Variants in MSR1 observed in about 807,000 individuals in gnomAD.
The protein encoded by MSR1 is macrophage scavenger receptor types I and II.
A neutral mutation model predicts 47.2 loss-of-function variants in MSR1; 53 were observed. That is an observed-to-expected ratio of 1.12 (90% confidence interval 0.90 to 1.41). MSR1 has a LOEUF of 1.41. Ranked by LOEUF, MSR1 falls within the 40% of genes most tolerant of loss-of-function variation. The pLI is 0.00. For synonymous variants in MSR1, 239 were observed against 185.6 expected, an observed-to-expected ratio of 1.29 and a Z score of -2.34; for missense variants, 786 against 546.9, an observed-to-expected ratio of 1.44 and a Z score of -4.36.
chr8:16,149,610 T>C (rs921187140), intron 7 of MSR1, among the ~76,000 whole-genome samples: 1 of 152,158 alleles, frequency 6.6e-6, no homozygotes, highest in Admixed American at 6.5e-5. Flanking sequence ...GTTCAAAGTT[T>C]GCAATTTAAG....
intron 9 of MSR1, among the ~76,000 whole-genome samples, chr8:16,120,104 G>A (rs1799962792): frequency 6.6e-6 from 1 of 151,700 alleles, no homozygotes; most frequent in Non-Finnish European, 1.5e-5. Context: ...CTGGCCAAGC[G>A]CGGTGGCTCT....
intron 8 of MSR1, among the ~76,000 whole-genome samples, chr8:16,136,662 G>A (rs530647863): frequency 6.6e-6 from 1 of 152,056 alleles, no homozygotes; most frequent in Non-Finnish European, 1.5e-5. Flanking sequence ...GAGTGCAGTG[G>A]CATGATCTCA....
chr8:16,184,413 A>C (rs1313013748), intron 1 of MSR1, among the ~76,000 whole-genome samples: 1 of 152,148 alleles, frequency 6.6e-6, no homozygotes, highest in Non-Finnish European at 1.5e-5. Context: ...AGGAGAAAAA[A>C]ATGGTATTTT....
chr8:16,183,898 T>G (rs566305249), intron 1 of MSR1, among the ~76,000 whole-genome samples: 5 of 120,974 alleles, frequency 4.1e-5, no homozygotes, highest in South Asian at 6.6e-4. Context: ...AATATATAAT[T>G]ATATATATAT....
At chr8:16,152,253 G>A (rs190706326) in intron 6 of MSR1, among the ~76,000 whole-genome samples, 1 of 152,152 alleles carries the variant, frequency 6.6e-6, no homozygotes, top group Admixed American at 6.6e-5. Context: ...TCAATACTCA[G>A]GTGTAGAGCG....
At chr8:16,175,709 CAGAT>C (rs1306090344) in intron 2 of MSR1, among the ~76,000 whole-genome samples, 6 of 152,094 alleles carry the variant, frequency 3.9e-5, no homozygotes, top group African/African-American at 7.2e-5. Flanking sequence ...ATTTTAAAAT[CAGAT>C]AGGGCAAATA....
chr8:16,181,380 G>A lies in MSR1; in HGVS notation c.-4-3388C>T, dbSNP rs115929198. ...TGTTGTTTCTTGAATTTTAATGATC[G>A]CCATTCTTGGAACCAATCCAAATGC... On this transcript the variant is annotated intron_variant, in intron 1 of 9. Coordinates refer to ENST00000262101, the MANE Select transcript of MSR1 (RefSeq NM_138715.3). 1.2e-3 allele frequency among the ~76,000 whole-genome samples: 187 copies of A among 151,724 alleles called. 2 individuals carry two copies. The highest frequency in any genetic ancestry group is 4.3e-3 in the African/African-American group (177 of 41,424).
intron 9 of MSR1, among the ~76,000 whole-genome samples, chr8:16,116,973 C>T (rs1407477336): frequency 6.6e-6 from 1 of 152,126 alleles, no homozygotes; most frequent in Non-Finnish European, 1.5e-5. Flanking sequence ...CTGTTGCTCT[C>T]CATTTGATTT....
intron 5 of MSR1, among the ~76,000 whole-genome samples, chr8:16,161,319 G>A (rs778440016): frequency 1.3e-5 from 2 of 151,920 alleles, no homozygotes; most frequent in Non-Finnish European, 2.9e-5. Context: ...GACTGAAAAC[G>A]CAACAGATTT....
rs1193267511 is a variant in MSR1 at position 16,134,577 on chromosome 8, C to T, written c.1033+8981G>A. Among the ~76,000 whole-genome samples the T allele has an allele frequency of 2.0e-5, 3 of 152,076 alleles. No homozygotes were observed. In the East Asian group the frequency reaches 5.8e-4, roughly 29 times the overall value. ...TCAGGCATCCCTATTCCCTGAGACACAGCAATATTGAAATTAAACAAATTA... is the reference window on the plus strand; with the variant it reads ...TCAGGCATCCCTATTCCCTGAGACATAGCAATATTGAAATTAAACAAATTA... On this transcript the variant is annotated intron_variant, in intron 8 of 9. Coordinates refer to ENST00000262101, the MANE Select transcript of MSR1 (RefSeq NM_138715.3).
At chr8:16,179,071 A>C (rs1013128458) in intron 1 of MSR1, among the ~76,000 whole-genome samples, 1 of 152,174 alleles carries the variant, frequency 6.6e-6, no homozygotes, top group Admixed American at 6.6e-5. Context: ...ATTTACAAAC[A>C]TGTATGTCTA....
intron 1 of MSR1, among the ~76,000 whole-genome samples, chr8:16,187,566 C>T (rs1333988369): frequency 6.6e-6 from 1 of 151,950 alleles, no homozygotes; most frequent in Admixed American, 6.6e-5. Context: ...AAGCCAGATC[C>T]ATGATGTGGA....
chr8:16,187,364 CAAAAA>C (rs751848634), intron 1 of MSR1, among the ~76,000 whole-genome samples: 31 of 35,414 alleles, frequency 8.8e-4, no homozygotes, highest in East Asian at 7.6e-3. Flanking sequence ...ACTCTGTCTC[CAAAAA>C]AAAAAAAAAA....
At chr8:16,140,954 C>CTT in intron 8 of MSR1, 1 of 1,613,832 alleles carries the variant, frequency 6.2e-7, no homozygotes, top group Non-Finnish European at 8.5e-7. Flanking sequence ...GGTGAAGGGC[C>CTT]TTTTAATGAG....
intron 8 of MSR1, among the ~76,000 whole-genome samples, chr8:16,132,521 C>T (rs4498542): frequency 0.62 from 93,579 of 151,682 alleles, 31,652 homozygotes; most frequent in East Asian, 0.89. Flanking sequence ...AGAGTCTCAC[C>T]CTGTCACCCA....
chr8:16,139,868 T>A (rs1239795872), intron 8 of MSR1: 13 of 399,214 alleles, frequency 3.3e-5, no homozygotes, highest in Non-Finnish European at 3.9e-5. Context: ...AAAATAAGAA[T>A]CAATTTTTAA....
At chr8:16,126,497 A>T (rs551933945) in intron 8 of MSR1, among the ~76,000 whole-genome samples, 1 of 152,276 alleles carries the variant, frequency 6.6e-6, no homozygotes, top group East Asian at 1.9e-4. Flanking sequence ...TTTGACCTGA[A>T]AGTTCTCACA....
chr8:16,114,700 A>G (rs1455345482), intron 9 of MSR1, among the ~76,000 whole-genome samples: 2 of 152,142 alleles, frequency 1.3e-5, no homozygotes, highest in South Asian at 4.1e-4. Flanking sequence ...TATTTAAAGG[A>G]GCATGCTTGA....
At chr8:16,131,681 G>A (rs2117085634) in intron 8 of MSR1, among the ~76,000 whole-genome samples, 1 of 151,984 alleles carries the variant, frequency 6.6e-6, no homozygotes, top group East Asian at 1.9e-4. Flanking sequence ...AAAGAGTTCA[G>A]TTTCAGTCTT....
Sources: gnomAD v4.1 joint callset for allele counts (sites outside exome capture counted in the v4.1 genomes callset) on GRCh38, gnomAD v4.1.1 for gene constraint, MANE v1.5 for transcripts, NCBI Gene and HGNC (gene_info 2026-07-23, HGNC 2026-07-21) for gene names.